Variants in MDGA2 observed in about 807,000 individuals in gnomAD.
MDGA2 encodes the protein MAM domain containing glycosylphosphatidylinositol anchor 2.
In MDGA2, 40 loss-of-function variants were observed where a neutral mutation model predicts 117.8. That is an observed-to-expected ratio of 0.34 (90% CI 0.26 to 0.44). MDGA2 has a LOEUF of 0.44. Among genes scored for constraint, MDGA2 ranks in the 20% least tolerant of loss-of-function variants. The pLI is 1.00. For missense variants in MDGA2, 1,123 were observed against 1,250.6 expected (o/e 0.90, Z 1.54); for synonymous variants, 452 against 439.0 (o/e 1.03, Z -0.37).
At chr14:46,974,392 G>A (rs79315394) in intron 8 of MDGA2, among the ~76,000 whole-genome samples, 9,475 of 152,014 alleles carry the variant, frequency 0.062, 410 homozygotes, top group Middle Eastern at 0.11. Flanking sequence ...AAATTCATAT[G>A]AATCTCAAGA....
chr14:47,532,305 G>C (rs761653782), intron 1 of MDGA2, among the ~76,000 whole-genome samples: 1 of 152,056 alleles, frequency 6.6e-6, no homozygotes, highest in Admixed American at 6.5e-5. Flanking sequence ...TCTTTCTTTG[G>C]TTTTTATAAC....
chr14:47,620,109 G>A (rs1284111752), intron 1 of MDGA2, among the ~76,000 whole-genome samples: 2 of 152,216 alleles, frequency 1.3e-5, no homozygotes, highest in Non-Finnish European at 2.9e-5. Flanking sequence ...ATGGATATGA[G>A]GACCTAACCA....
chr14:47,588,361 T>G (rs1347279684), intron 1 of MDGA2, among the ~76,000 whole-genome samples: 1 of 151,242 alleles, frequency 6.6e-6, no homozygotes, highest in Non-Finnish European at 1.5e-5. Context: ...GCCAAAACAT[T>G]TTATATTTCT....
intron 14 of MDGA2, among the ~76,000 whole-genome samples, chr14:46,858,894 TAG>T (rs1284163782): frequency 6.6e-6 from 1 of 152,178 alleles, no homozygotes. Context: ...TAGAACATTA[TAG>T]AGACTCTTCA....
At chr14:47,363,610 T>G (rs1327463216) in intron 1 of MDGA2, among the ~76,000 whole-genome samples, 1 of 152,194 alleles carries the variant, frequency 6.6e-6, no homozygotes, top group African/African-American at 2.4e-5. Flanking sequence ...AAACAGCTTC[T>G]GCTCATTGAA....
intron 8 of MDGA2, among the ~76,000 whole-genome samples, chr14:47,005,681 T>A (rs1887684626): frequency 6.6e-6 from 1 of 151,574 alleles, no homozygotes; most frequent in Non-Finnish European, 1.5e-5. Context: ...AAAATGTGTA[T>A]AATATGACCT....
At chr14:47,354,310 C>T (rs1445953819) in intron 1 of MDGA2, among the ~76,000 whole-genome samples, 3 of 152,238 alleles carry the variant, frequency 2.0e-5, no homozygotes, top group African/African-American at 7.2e-5. Context: ...GGGGTACACA[C>T]TGTGAAAAAG....
intron 1 of MDGA2, among the ~76,000 whole-genome samples, chr14:47,542,076 GT>G (rs1442691008): frequency 6.6e-6 from 1 of 152,176 alleles, no homozygotes; most frequent in Admixed American, 6.5e-5. Flanking sequence ...GAGAGAAAGA[GT>G]TAGGAAAAGA....
At chr14:47,003,899 G>A (rs935720807) in intron 8 of MDGA2, among the ~76,000 whole-genome samples, 2 of 151,772 alleles carry the variant, frequency 1.3e-5, no homozygotes, top group African/African-American at 2.4e-5. Context: ...ATTAAGCAAA[G>A]ATTTCTTAGA....
intron 1 of MDGA2, among the ~76,000 whole-genome samples, chr14:47,664,856 C>T (rs1450522428): frequency 6.6e-6 from 1 of 152,124 alleles, no homozygotes; most frequent in Non-Finnish European, 1.5e-5. Flanking sequence ...AGGAGTTGCC[C>T]CCCACAGGAA....
intron 15 of MDGA2, among the ~76,000 whole-genome samples, chr14:46,846,079 C>T (rs1880825897): frequency 6.6e-6 from 1 of 152,064 alleles, no homozygotes; most frequent in African/African-American, 2.4e-5. Context: ...TAGTTTTTCA[C>T]ATCAAAAGCT....
rs796908027 is a variant in MDGA2 at position 46,897,483 on chromosome 14, AG to A, written c.2239-15263del. ...AATGGAAAATGTTGCACAATATCGTAGATTGATTCAGTCATTGAAAGCCATC... is the reference window on the plus strand; with the variant it reads ...AATGGAAAATGTTGCACAATATCGTAATTGATTCAGTCATTGAAAGCCATC... On this transcript the variant is annotated intron_variant, in intron 10 of 16. Transcript: ENST00000399232. 1.3e-3 allele frequency among the ~76,000 whole-genome samples: 194 copies of A among 152,288 alleles called. 2 individuals carry two copies. The highest frequency in any genetic ancestry group is 4.5e-3 in the African/African-American group (186 of 41,580).
chr14:47,262,733 G>A (rs1452382178), intron 2 of MDGA2, among the ~76,000 whole-genome samples: 1 of 152,126 alleles, frequency 6.6e-6, no homozygotes, highest in Admixed American at 6.5e-5. Context: ...ATAATATTTG[G>A]CCTGACAGGC....
At chr14:47,053,638 TATATATATATATATATACACAC>T (rs1889546449) in intron 7 of MDGA2, among the ~76,000 whole-genome samples, 1 of 51,118 alleles carries the variant, frequency 2.0e-5, no homozygotes, top group Non-Finnish European at 4.3e-5. Flanking sequence ...TATATATATA[TATATATATATATATATACACAC>T]ACACACACAC....
At chr14:47,656,727 C>T (rs1376369201) in intron 1 of MDGA2, among the ~76,000 whole-genome samples, 2 of 152,114 alleles carry the variant, frequency 1.3e-5, no homozygotes, top group Non-Finnish European at 2.9e-5. Context: ...AGAGCATCCA[C>T]CACAAAAGAG....
intron 1 of MDGA2, among the ~76,000 whole-genome samples, chr14:47,359,352 C>T (rs1342513025): frequency 6.6e-6 from 1 of 151,392 alleles, no homozygotes; most frequent in Non-Finnish European, 1.5e-5. Context: ...GACTCTGTCT[C>T]AAAAACAAAC....
chr14:47,148,297 T>C (rs1053891956), intron 3 of MDGA2, among the ~76,000 whole-genome samples: 5 of 152,172 alleles, frequency 3.3e-5, no homozygotes, highest in African/African-American at 9.7e-5. Flanking sequence ...AATCCTCCAG[T>C]AGGTCACTGG....
chr14:47,094,902 C>T (rs1879874285), intron 6 of MDGA2, among the ~76,000 whole-genome samples: 1 of 151,946 alleles, frequency 6.6e-6, no homozygotes, highest in Non-Finnish European at 1.5e-5. Flanking sequence ...CTCACTGACA[C>T]AAGGCTTAAA....
At chr14:47,573,413 T>C (rs1436962448) in intron 1 of MDGA2, among the ~76,000 whole-genome samples, 3 of 152,192 alleles carry the variant, frequency 2.0e-5, no homozygotes. Context: ...AGCAATGTTA[T>C]TACATTTCTC....
Sources: allele counts gnomAD v4.1 joint callset (sites outside exome capture counted in the v4.1 genomes callset), GRCh38; gene constraint gnomAD v4.1.1; transcripts MANE v1.5; gene names NCBI Gene and HGNC (gene_info 2026-07-23, HGNC 2026-07-21).